The following CACNA2D1 variants were observed in gnomAD, a reference collection of about 807,000 sequenced individuals.
CACNA2D1 encodes the protein calcium voltage-gated channel auxiliary subunit alpha2delta 1.
Under a neutral mutation model 171.5 loss-of-function variants are expected in CACNA2D1, and 53 were observed. That is an observed-to-expected ratio of 0.31 (90% CI 0.25 to 0.39). The LOEUF (loss-of-function observed/expected upper bound fraction) is 0.39, where lower values mean the gene tolerates loss of function less well. Among genes scored for constraint, CACNA2D1 ranks in the 10% least tolerant of loss-of-function variants. The pLI is 1.00. For synonymous variants in CACNA2D1, 442 were observed against 443.1 expected (o/e 1.00, Z 0.03); for missense variants, 903 against 1,299.8 (o/e 0.69, Z 4.69).
At chr7:82,265,820 T>G (rs527521516) in intron 3 of CACNA2D1, among the ~76,000 whole-genome samples, 48 of 152,236 alleles carry the variant, frequency 3.2e-4, no homozygotes, top group African/African-American at 9.9e-4. Context: ...TCCTCCCCCC[T>G]TATCCAGGGT....
At chr7:81,965,512 A>G in intron 32 of CACNA2D1, 82 bp downstream of exon 32, 2 of 805,426 alleles carry the variant, frequency 2.5e-6, no homozygotes, top group Non-Finnish European at 4.5e-6. Context: ...ATCGATTTCT[A>G]AAACACTGAA....
intron 3 of CACNA2D1, among the ~76,000 whole-genome samples, chr7:82,223,169 G>A (rs950320710): frequency 2.6e-5 from 4 of 152,064 alleles, no homozygotes; most frequent in African/African-American, 4.8e-5. Context: ...GCCTCCCAAA[G>A]TGCTGGGATT....
At chr7:82,050,096 T>C (rs1272237871) in intron 10 of CACNA2D1, among the ~76,000 whole-genome samples, 1 of 152,192 alleles carries the variant, frequency 6.6e-6, no homozygotes, top group Non-Finnish European at 1.5e-5. Flanking sequence ...AGGAATACAT[T>C]AGGCATATTT....
At chr7:82,220,781 C>CTTTTTTTTTTT (rs71093369) in intron 3 of CACNA2D1, among the ~76,000 whole-genome samples, 1 of 134,424 alleles carries the variant, frequency 7.4e-6, no homozygotes, top group East Asian at 2.2e-4. Context: ...TTTCTTTTTT[C>CTTTTTTTTTTT]TTTTTTTTTT....
intron 4 of CACNA2D1, among the ~76,000 whole-genome samples, chr7:82,157,329 T>G (rs1794473561): frequency 6.6e-6 from 1 of 152,254 alleles, no homozygotes; most frequent in Non-Finnish European, 1.5e-5. Context: ...TTCATGCTTA[T>G]CCTGTGGGCA....
intron 21 of CACNA2D1, among the ~76,000 whole-genome samples, chr7:81,984,989 A>AT (rs1444973687): frequency 2.6e-5 from 4 of 152,100 alleles, no homozygotes; most frequent in Non-Finnish European, 5.9e-5. Flanking sequence ...AAGGAGTGTC[A>AT]TGGCCCCCTA....
intron 22 of CACNA2D1, among the ~76,000 whole-genome samples, chr7:81,984,015 T>A (rs1398613503): frequency 1.3e-5 from 2 of 152,098 alleles, no homozygotes; most frequent in African/African-American, 4.8e-5. Flanking sequence ...AAACAATAAC[T>A]TGAAGTATGC....
chr7:82,062,988 C>A (rs1304644364), intron 9 of CACNA2D1, among the ~76,000 whole-genome samples: 3 of 152,008 alleles, frequency 2.0e-5, no homozygotes, highest in Non-Finnish European at 4.4e-5. Flanking sequence ...CTTAAGCCAT[C>A]CACCTGCCTT....
At chr7:81,966,286 T>A (rs986074896) in intron 31 of CACNA2D1, among the ~76,000 whole-genome samples, 3 of 151,614 alleles carry the variant, frequency 2.0e-5, no homozygotes, top group Admixed American at 2.0e-4. Flanking sequence ...ATATAATAAT[T>A]TGTATTGAAT....
intron 4 of CACNA2D1, among the ~76,000 whole-genome samples, chr7:82,150,161 C>G (rs1793656711): frequency 6.6e-6 from 1 of 151,614 alleles, no homozygotes; most frequent in Admixed American, 6.6e-5. Flanking sequence ...GGTTCCTCCC[C>G]TGTGACATAA....
chr7:82,411,777 G>T (rs987322701), intron 1 of CACNA2D1, among the ~76,000 whole-genome samples: 2 of 151,730 alleles, frequency 1.3e-5, no homozygotes, highest in African/African-American at 4.8e-5. Context: ...GGCATTTCTC[G>T]CAATAGGCAT....
Position 81,967,679 on chromosome 7 carries a change from G to A in CACNA2D1, c.2396-16C>T, listed in dbSNP as rs761540201. 1.7e-6 allele frequency: 2 copies of A among 1,195,354 alleles called. No individual in the cohort carries two copies. Among genetic ancestry groups the A allele is most frequent in the Admixed American group, 1.8e-5 (1 of 55,914 alleles). 74.0% of individuals were successfully genotyped at this position (1,195,354 alleles called of 1,614,324 possible). On this transcript the variant is annotated splice_polypyrimidine_tract_variant and intron_variant, in intron 29 of 38. Coordinates refer to ENST00000356860, the MANE Select transcript of CACNA2D1 (RefSeq NM_000722.4). ...ATTCCAACAACTGAAAAATTAATTTGAATTAATTCAAAGGTATAATTAGAT... is the reference window on the plus strand; with the variant it reads ...ATTCCAACAACTGAAAAATTAATTTAAATTAATTCAAAGGTATAATTAGAT...
At chr7:82,341,971 G>A (rs1279703750) in intron 2 of CACNA2D1, among the ~76,000 whole-genome samples, 2 of 147,980 alleles carry the variant, frequency 1.4e-5, no homozygotes, top group Non-Finnish European at 3.0e-5. Context: ...GGAGAATGGC[G>A]TGAACCTGGG....
At chr7:82,396,351 A>G (rs966861778) in intron 1 of CACNA2D1, among the ~76,000 whole-genome samples, 1 of 152,132 alleles carries the variant, frequency 6.6e-6, no homozygotes, top group African/African-American at 2.4e-5. Flanking sequence ...ATACATAAAT[A>G]AGATTTCTCT....
At position 82,290,124 on chromosome 7, in the gene CACNA2D1, T is replaced by C. The variant is rs141834992; in HGVS notation, c.294+45011A>G. Among the ~76,000 whole-genome samples the C allele has an allele frequency of 1.1e-3, 175 of 152,296 alleles. 2 individuals are homozygous for C. The East Asian group carries it at 0.026, about 22-fold the overall frequency. Reference sequence around the variant, plus strand: ...TTGCGGTTTTTGCCATTACTTTTAATAGCAAAAACCACAGTTATGTTTGCA... The same window carrying C: ...TTGCGGTTTTTGCCATTACTTTTAACAGCAAAAACCACAGTTATGTTTGCA... On this transcript the variant is annotated intron_variant, in intron 3 of 38. Transcript: ENST00000356860.
At chr7:82,279,073 C>T (rs1809737554) in intron 3 of CACNA2D1, among the ~76,000 whole-genome samples, 1 of 152,180 alleles carries the variant, frequency 6.6e-6, no homozygotes, top group Non-Finnish European at 1.5e-5. Flanking sequence ...AAAGTCAGTG[C>T]CAAGGTTTTC....
chr7:82,215,112 G>A (rs1251134658), intron 3 of CACNA2D1, among the ~76,000 whole-genome samples: 2 of 152,026 alleles, frequency 1.3e-5, no homozygotes, highest in Admixed American at 6.6e-5. Context: ...CTCAGGAAAG[G>A]AACTTCAGGC....
intron 2 of CACNA2D1, among the ~76,000 whole-genome samples, chr7:82,340,542 C>G (rs777972207): frequency 4.0e-5 from 6 of 151,760 alleles, no homozygotes; most frequent in Non-Finnish European, 8.8e-5. Flanking sequence ...ATGAAAAATT[C>G]TAACAGAATC....
chr7:82,157,337 G>A (rs3801736), intron 4 of CACNA2D1, among the ~76,000 whole-genome samples: 49,725 of 151,938 alleles, frequency 0.33, 9,797 homozygotes, highest in East Asian at 0.5. Context: ...TATCCTGTGG[G>A]CAGTTTGATG....
Sources: gnomAD v4.1 joint callset for allele counts (sites outside exome capture counted in the v4.1 genomes callset) on GRCh38, gnomAD v4.1.1 for gene constraint, MANE v1.5 for transcripts, NCBI Gene and HGNC (gene_info 2026-07-23, HGNC 2026-07-21) for gene names.